Variants in ABCB5 observed in about 807,000 individuals in gnomAD.
ABCB5 encodes the protein ATP binding cassette subfamily B member 5.
In ABCB5, 155 loss-of-function variants were observed where a neutral mutation model predicts 144.2. The ratio of observed to expected loss-of-function variants is 1.08; its 90% CI spans 0.94 to 1.23. The LOEUF (loss-of-function observed/expected upper bound fraction) is 1.23, where lower values mean the gene tolerates loss of function less well. Among genes scored for constraint, ABCB5 ranks in the 50% most tolerant of loss-of-function variants. The pLI, the probability that ABCB5 is intolerant of heterozygous loss-of-function variation, is 0.00. For missense variants in ABCB5, 1,830 were observed against 1,520.8 expected (o/e 1.20, Z -3.38); for synonymous variants, 610 against 528.6 (o/e 1.15, Z -2.11).
At chr7:20,702,828 A>ATTTTTTTT (rs5882755) in intron 19 of ABCB5, among the ~76,000 whole-genome samples, 7 of 114,118 alleles carry the variant, frequency 6.1e-5, no homozygotes, top group Admixed American at 9.5e-5. Context: ...CGCCTGGCTA[A>ATTTTTTTT]TTTTTTTTTT....
intron 14 of ABCB5, chr7:20,658,987 C>G (rs902374674): frequency 6.6e-7 from 1 of 1,506,942 alleles, no homozygotes; most frequent in Non-Finnish European, 9.2e-7. Flanking sequence ...ACTATCATCA[C>G]TATTATAACC....
At chr7:20,686,002 GTAAGGCTGCCTAA>G (rs946847925) in intron 16 of ABCB5, among the ~76,000 whole-genome samples, 166 bp downstream of exon 16, 3 of 152,206 alleles carry the variant, frequency 2.0e-5, no homozygotes, top group Non-Finnish European at 2.9e-5. Context: ...GTCACTCTAG[GTAAGGCTGCCTAA>G]TAAGGCTGCA....
At chr7:20,707,946 G>A (rs1291728899) in intron 20 of ABCB5, among the ~76,000 whole-genome samples, 1 of 151,706 alleles carries the variant, frequency 6.6e-6, no homozygotes, top group Admixed American at 6.6e-5. Context: ...TGGGACTACA[G>A]GTGCCTGCTA....
rs149931729 is a variant in ABCB5 at position 20,681,528 on chromosome 7, C to T, written c.1731C>T (p.Ile577=). 4.5e-5 allele frequency: 72 copies of T among 1,614,164 alleles called. No homozygotes were observed. The African/African-American group carries it at 7.6e-4, about 17-fold the overall frequency. Reference sequence around the variant, plus strand: ...AGGCGAGCAAAGGTCGGACTACAATCGTGGTAGCACACCGACTTTCTACTA... The same window carrying T: ...AGGCGAGCAAAGGTCGGACTACAATTGTGGTAGCACACCGACTTTCTACTA... The part of the protein sequence containing the change: ...LEKASKGRTT[I]VVAHRLSTIR... The change falls in exon 15 of 28, where the codon ATC becomes ATT. Residue 577 remains isoleucine, a synonymous_variant. Coordinates refer to ENST00000404938, the MANE Select transcript of ABCB5 (RefSeq NM_001163941.2).
At chr7:20,642,214 C>G (rs926554333) in intron 5 of ABCB5, among the ~76,000 whole-genome samples, 17 of 152,188 alleles carry the variant, frequency 1.1e-4, no homozygotes, top group African/African-American at 4.1e-4. Context: ...TGTAAAAACC[C>G]TAGAATATGC....
At chr7:20,628,239 A>G in intron 3 of ABCB5, among the ~76,000 whole-genome samples, 1 of 151,686 alleles carries the variant, frequency 6.6e-6, no homozygotes, top group Non-Finnish European at 1.5e-5. Flanking sequence ...ACTCCCACCT[A>G]TGAGTGAGAA....
chr7:20,644,760 A>G (rs1163838439), intron 7 of ABCB5, among the ~76,000 whole-genome samples: 1 of 152,226 alleles, frequency 6.6e-6, no homozygotes, highest in Admixed American at 6.5e-5. Flanking sequence ...TTTACTAACA[A>G]TATAGTAATT....
Position 20,658,852 on chromosome 7 carries a change from C to T in ABCB5, c.1707+176C>T, listed in dbSNP as rs138134150. On this transcript the variant is annotated intron_variant, in intron 14 of 27. Coordinates refer to ENST00000404938, the MANE Select transcript of ABCB5 (RefSeq NM_001163941.2). ...TGGCTATAGGAAGTGGTTTAGAGGA[C>T]AGAAGGAGATGCTGTGGTTGGTTGG... Among the ~76,000 whole-genome samples the T allele has an allele frequency of 2.4e-3, 366 of 152,228 alleles. 3 individuals carry two copies. The highest frequency in any genetic ancestry group is 8.4e-3 in the African/African-American group (351 of 41,548).
At chr7:20,667,260 G>C in intron 14 of ABCB5, 1 of 983,034 alleles carries the variant, frequency 1.0e-6, no homozygotes, top group Non-Finnish European at 1.2e-6. Flanking sequence ...GCCTGGCAAA[G>C]TAAAGATGAC....
chr7:20,689,326 A>G (rs2190410), intron 16 of ABCB5, among the ~76,000 whole-genome samples: 107,186 of 151,914 alleles, frequency 0.71, 38,347 homozygotes, highest in East Asian at 0.97. Flanking sequence ...TTGCTGTGGT[A>G]CCTTGCTGGT....
At chr7:20,701,794 A>T (rs1210756770) in intron 19 of ABCB5, among the ~76,000 whole-genome samples, 2 of 152,218 alleles carry the variant, frequency 1.3e-5, no homozygotes, top group African/African-American at 4.8e-5. Context: ...CCCATAAGTT[A>T]AGTTGTTTGT....
intron 16 of ABCB5, among the ~76,000 whole-genome samples, chr7:20,694,165 A>G (rs1786328769): frequency 6.6e-6 from 1 of 151,632 alleles, no homozygotes; most frequent in Non-Finnish European, 1.5e-5. Context: ...AGACAATGAG[A>G]TTACAAAAAA....
intron 20 of ABCB5, among the ~76,000 whole-genome samples, chr7:20,710,217 A>C (rs905042649): frequency 6.8e-6 from 1 of 147,722 alleles, no homozygotes; most frequent in Non-Finnish European, 1.5e-5. Context: ...TCTACTAAAA[A>C]TTAGGTGGGC....
At chr7:20,631,852 C>G (rs1294716691) in intron 4 of ABCB5, among the ~76,000 whole-genome samples, 1 of 152,060 alleles carries the variant, frequency 6.6e-6, no homozygotes, top group Non-Finnish European at 1.5e-5. Context: ...TACATTTTTC[C>G]AAGCCGCATG....
intron 22 of ABCB5, among the ~76,000 whole-genome samples, chr7:20,727,452 G>A (rs1026345676): frequency 6.6e-6 from 1 of 152,026 alleles, no homozygotes; most frequent in African/African-American, 2.4e-5. Flanking sequence ...ATAAAATTGC[G>A]GGCAGGGCGC....
chr7:20,723,562 C>T (rs1411897326), intron 21 of ABCB5, among the ~76,000 whole-genome samples: 3 of 152,150 alleles, frequency 2.0e-5, no homozygotes, highest in Non-Finnish European at 2.9e-5. Flanking sequence ...GGGAATAATA[C>T]GAGTATTCAC....
chr7:20,659,911 T>C (rs1158231894), intron 14 of ABCB5: 60 of 946,332 alleles, frequency 6.3e-5, no homozygotes, highest in Non-Finnish European at 7.4e-5. Context: ...CTCAAACTCC[T>C]GACCTCAGGT....
Position 20,723,026 on chromosome 7 carries a change from C to A in ABCB5, c.2432C>A (p.Ser811Tyr), listed in dbSNP as rs1409477884. The change falls in exon 21 of 28, where the codon TCC becomes TAC. Residue 811 changes from serine to tyrosine, a missense_variant. Transcript: ENST00000404938. The part of the protein sequence containing the change: ...DIAQIQGATG[S>Y]RIGVLTQNAT... ...TATGTCTGATTATAGGCAACAGGTTCCAGGATTGGCGTCTTAACACAAAAT... is the reference window on the plus strand; with the variant it reads ...TATGTCTGATTATAGGCAACAGGTTACAGGATTGGCGTCTTAACACAAAAT... 2.5e-6 allele frequency: 4 copies of A among 1,613,950 alleles called. No individual in the cohort carries two copies. In the East Asian group the frequency reaches 6.7e-5, roughly 27 times the overall value.
chr7:20,662,270 G>A (rs982117774), intron 14 of ABCB5, among the ~76,000 whole-genome samples: 1 of 152,102 alleles, frequency 6.6e-6, no homozygotes, highest in African/African-American at 2.4e-5. Flanking sequence ...CAGCCCTCAC[G>A]GGCACGTCTT....
Sources: gnomAD v4.1 joint callset for allele counts (sites outside exome capture counted in the v4.1 genomes callset) on GRCh38, gnomAD v4.1.1 for gene constraint, MANE v1.5 for transcripts, NCBI Gene and HGNC (gene_info 2026-07-23, HGNC 2026-07-21) for gene names.